Variants in NTF3 observed in about 807,000 individuals in gnomAD.
NTF3 encodes neurotrophin 3, also known as neurotrophin-3.
A neutral mutation model predicts 26.3 loss-of-function variants in NTF3; 8 were observed. The ratio of observed to expected loss-of-function variants is 0.30; its 90% confidence interval spans 0.18 to 0.55. The LOEUF is 0.55. Among genes scored for constraint, NTF3 ranks in the 20% least tolerant of loss-of-function variants. The pLI, the probability that NTF3 is intolerant of heterozygous loss-of-function variation, is 0.93. For synonymous variants in NTF3, 154 were observed against 145.5 expected, an observed-to-expected ratio of 1.06 and a Z score of -0.42; for missense variants, 276 against 352.9, an observed-to-expected ratio of 0.78 and a Z score of 1.75.
At chr12:5,472,001 T>C (rs1429753340) in intron 1 of NTF3, among the ~76,000 whole-genome samples, 3 of 152,210 alleles carry the variant, frequency 2.0e-5, no homozygotes, top group Non-Finnish European at 2.9e-5. Context: ...CGTCCATTTT[T>C]ACTTGGTTTC....
At chr12:5,432,468 C>G (rs1301935215) in intron 1 of NTF3, 126 bp downstream of exon 1, 10 of 1,092,814 alleles carry the variant, frequency 9.2e-6, no homozygotes, top group Non-Finnish European at 1.3e-5. Context: ...CCCATCGCGC[C>G]GCGCTCACTC....
chr12:5,436,637 G>A (rs893643246), intron 1 of NTF3, among the ~76,000 whole-genome samples: 1 of 152,208 alleles, frequency 6.6e-6, no homozygotes, highest in African/African-American at 2.4e-5. Flanking sequence ...ACAGGTGCTA[G>A]CACGTATGTA....
At chr12:5,440,876 G>A (rs1688839862) in intron 1 of NTF3, among the ~76,000 whole-genome samples, 2 of 152,210 alleles carry the variant, frequency 1.3e-5, no homozygotes, top group Admixed American at 6.5e-5. Context: ...TGGCCTAGAG[G>A]ACTTACATAG....
rs537247506 is a variant in NTF3, at chr12:5,459,203, C to A, written c.18+26861C>A. On this transcript the variant is annotated intron_variant, in intron 1 of 1. Coordinates refer to ENST00000423158, the MANE Select transcript of NTF3 (RefSeq NM_001102654.2). ...CTGTACCGAGAGCTCATCTTCTCTT[C>A]CTCTTCTGGATTCTCAAATGAGATG... Among the ~76,000 whole-genome samples, 34 of 152,336 alleles carry A rather than the reference C, an allele frequency of 2.2e-4. No homozygotes were observed. In the Middle Eastern group the frequency reaches 0.01, roughly 46 times the overall value.
intron 1 of NTF3, among the ~76,000 whole-genome samples, chr12:5,485,420 G>A (rs1466221615): frequency 1.3e-5 from 2 of 152,128 alleles, no homozygotes; most frequent in East Asian, 3.9e-4. Flanking sequence ...TTTGTTCCCT[G>A]GCTCTGTCTC....
intron 1 of NTF3, among the ~76,000 whole-genome samples, chr12:5,438,078 T>C (rs1382228208): frequency 6.6e-6 from 1 of 152,108 alleles, no homozygotes; most frequent in Non-Finnish European, 1.5e-5. Flanking sequence ...TATGGGCATG[T>C]TGAACCTTGA....
chr12:5,432,140 A>G lies in NTF3; in HGVS notation c.-185A>G. 1 of 697,318 alleles carries G rather than the reference A, an allele frequency of 1.4e-6. No homozygotes were observed. 43.2% of individuals were successfully genotyped at this position (697,318 alleles called of 1,614,324 possible). ...GTTGAAGCTCCTCTCCCTTCCGAAC[A>G]GCTCCGCGCACCGCCCCGCGACGCA... On this transcript the variant is annotated 5_prime_UTR_variant, in exon 1 of 2. Transcript: ENST00000423158.
At chr12:5,475,177 G>C (rs1040997933) in intron 1 of NTF3, among the ~76,000 whole-genome samples, 11 of 152,204 alleles carry the variant, frequency 7.2e-5, no homozygotes, top group African/African-American at 2.7e-4. Flanking sequence ...CAGAATGTTG[G>C]AGAAGAATAT....
chr12:5,430,879 A>C (rs1800599), upstream of NTF3, among the ~76,000 whole-genome samples: 15,416 of 151,640 alleles, frequency 0.1, 913 homozygotes, highest in African/African-American at 0.15. Context: ...GGAGGAAGGG[A>C]TGAGGGGCTT....
At chr12:5,486,994 C>T (rs1172063659) in intron 1 of NTF3, among the ~76,000 whole-genome samples, 3 of 151,932 alleles carry the variant, frequency 2.0e-5, no homozygotes, top group Non-Finnish European at 4.4e-5. Flanking sequence ...ACAAATACCA[C>T]TAAATGCAGG....
chr12:5,441,379 G>T (rs1940233972), intron 1 of NTF3, among the ~76,000 whole-genome samples: 1 of 152,224 alleles, frequency 6.6e-6, no homozygotes, highest in South Asian at 2.1e-4. Context: ...GTTTATTCTT[G>T]AATCGGAGAT....
intron 1 of NTF3, among the ~76,000 whole-genome samples, chr12:5,439,426 G>A (rs1940210996): frequency 6.6e-6 from 1 of 152,232 alleles, no homozygotes. Context: ...TGTCTGTGAT[G>A]TCATCCAGAT....
At chr12:5,457,630 A>G (rs1940468477) in intron 1 of NTF3, among the ~76,000 whole-genome samples, 1 of 152,116 alleles carries the variant, frequency 6.6e-6, no homozygotes, top group Admixed American at 6.5e-5. Context: ...CAAATGCACA[A>G]TTACTTTGTG....
chr12:5,457,480 G>A (rs960121429), intron 1 of NTF3, among the ~76,000 whole-genome samples: 1 of 152,080 alleles, frequency 6.6e-6, no homozygotes, highest in South Asian at 2.1e-4. Flanking sequence ...CGGCATCCTG[G>A]TTTTTGTCCT....
intron 1 of NTF3, among the ~76,000 whole-genome samples, chr12:5,469,446 A>C (rs1470894297): frequency 1.3e-5 from 2 of 152,162 alleles, no homozygotes; most frequent in African/African-American, 4.8e-5. Context: ...ACAGAACTGC[A>C]CTGGCAGGCA....
chr12:5,483,622 A>G (rs1429190491), intron 1 of NTF3, among the ~76,000 whole-genome samples: 1 of 152,200 alleles, frequency 6.6e-6, no homozygotes, highest in Non-Finnish European at 1.5e-5. Flanking sequence ...TGTCTTTATG[A>G]AAGAATGATT....
rs185484361 is a variant in NTF3 at position 5,489,766 on chromosome 12, G to A, written c.19-4428G>A. 3.2e-4 allele frequency among the ~76,000 whole-genome samples: 49 copies of A among 152,312 alleles called. No homozygotes were observed. The East Asian group carries it at 6.6e-3, about 20-fold the overall frequency. On this transcript the variant is annotated intron_variant, in intron 1 of 1. Coordinates refer to ENST00000423158, the MANE Select transcript of NTF3 (RefSeq NM_001102654.2). ...CCCAGTCTCTGCACGTGACAGGGCA[G>A]ACGCAGGTTGCTGGGGGCTCAGATT...
chr12:5,494,021 G>T lies in NTF3; in HGVS notation c.19-173G>T, dbSNP rs1056179393. 1 of 619,824 alleles carries T rather than the reference G, an allele frequency of 1.6e-6. No homozygotes were observed. Among genetic ancestry groups the T allele is most frequent in the Non-Finnish European group, 2.8e-6 (1 of 355,998 alleles). 38.4% of individuals were successfully genotyped at this position (619,824 alleles called of 1,614,324 possible). ...TGCATTCGCAGTATCTCCCGGGGGT[G>T]GGGGAAAGAAATCACCTCTTCAGAA... On this transcript the variant is annotated intron_variant, in intron 1 of 1. Transcript: ENST00000423158. The surrounding 1 kb of genome is among the most constrained non-coding windows in gnomAD (Gnocchi z 8.3).
In NTF3 at chr12:5,433,193, C is replaced by G. The variant is rs887141515; in HGVS notation, c.18+851C>G. 1 of 152,248 alleles carries G rather than the reference C, an allele frequency of 6.6e-6. No homozygotes were observed. Among genetic ancestry groups the G allele is most frequent in the Non-Finnish European group, 1.5e-5 (1 of 68,078 alleles). 9.4% of individuals were successfully genotyped at this position (152,248 alleles called of 1,614,324 possible). ...GGAGCTCCGTACGCAGCCCGCACAT[C>G]TGGGACCCCTCCGGGGAGCGGCGGG... On this transcript the variant is annotated intron_variant, in intron 1 of 1. Coordinates refer to ENST00000423158, the MANE Select transcript of NTF3 (RefSeq NM_001102654.2). This position sits in a 1 kb window ranked among gnomAD's most constrained non-coding sequence, Gnocchi z 4.6.
Sources: allele counts gnomAD v4.1 joint callset (sites outside exome capture counted in the v4.1 genomes callset), GRCh38; gene constraint gnomAD v4.1.1; non-coding constraint Gnocchi (gnomAD v3.1); transcripts MANE v1.5; gene names NCBI Gene and HGNC (gene_info 2026-07-23, HGNC 2026-07-21).